Variants in SEMA6A observed in about 807,000 individuals in gnomAD.
SEMA6A encodes semaphorin-6A.
A neutral mutation model predicts 96.8 loss-of-function variants in SEMA6A; 25 were observed. That is an observed-to-expected ratio of 0.26 (90% CI 0.19 to 0.36). The LOEUF (loss-of-function observed/expected upper bound fraction) is 0.36. Ranked by LOEUF, SEMA6A falls within the 10% of genes least tolerant of loss-of-function variation. The pLI, the probability that SEMA6A is intolerant of heterozygous loss-of-function variation, is 1.00. For missense variants in SEMA6A, 1,363 were observed against 1,323.1 expected (o/e 1.03, Z -0.47); for synonymous variants, 612 against 518.0 (o/e 1.18, Z -2.46).
chr5:116,490,834 G>C (rs1757293834), intron 7 of SEMA6A, among the ~76,000 whole-genome samples: 1 of 152,154 alleles, frequency 6.6e-6, no homozygotes, highest in Admixed American at 6.5e-5. Flanking sequence ...CAAGCTATAA[G>C]AATCACTATT....
At chr5:116,496,455 CCGTAA>C (rs1191026713) in intron 4 of SEMA6A, 142 bp from the exon 5 acceptor site, 1 of 597,502 alleles carries the variant, frequency 1.7e-6, no homozygotes. Flanking sequence ...GATTAATTCA[CCGTAA>C]CAACAAAAGA....
intron 1 of SEMA6A, among the ~76,000 whole-genome samples, chr5:116,568,752 G>A (rs1426123647): frequency 6.6e-6 from 1 of 151,922 alleles, no homozygotes; most frequent in East Asian, 1.9e-4. Flanking sequence ...CACTACCACT[G>A]GAAAAACAAC....
chr5:116,526,916 C>T lies in SEMA6A; in HGVS notation c.-38-21934G>A, dbSNP rs192707030. ...TTCTATGAAATCCCTGACCTAGTTACATTGCTGAGGGCACAGCTTAAGTGC... is the reference window on the plus strand; with the variant it reads ...TTCTATGAAATCCCTGACCTAGTTATATTGCTGAGGGCACAGCTTAAGTGC... On this transcript the variant is annotated intron_variant, in intron 1 of 18. Coordinates refer to ENST00000343348, the MANE Select transcript of SEMA6A (RefSeq NM_020796.5). Among the ~76,000 whole-genome samples, 634 of 152,272 alleles carry T rather than the reference C, an allele frequency of 4.2e-3. 10 individuals are homozygous for T. Among genetic ancestry groups the T allele is most frequent in the Non-Finnish European group, 1.0e-3 (68 of 68,012 alleles).
chr5:116,536,866 TAAAAAAAAAAAAAAAA>T (rs72214884), intron 1 of SEMA6A, among the ~76,000 whole-genome samples: 67 of 69,522 alleles, frequency 9.6e-4, no homozygotes, highest in South Asian at 1.5e-3. Context: ...TGTGATTTCT[TAAAAAAAAAAAAAAAA>T]AAAAAAAAAA....
chr5:116,502,371 G>T, intron 2 of SEMA6A, 44 bp from the exon 3 acceptor site: 2 of 1,562,798 alleles, frequency 1.3e-6, no homozygotes, highest in Non-Finnish European at 1.8e-6. Context: ...AGCAAATCAA[G>T]CCAGGAATTG....
chr5:116,483,426 T>C (rs1756889378), intron 10 of SEMA6A, among the ~76,000 whole-genome samples: 1 of 152,130 alleles, frequency 6.6e-6, no homozygotes. Flanking sequence ...GGCTTTGAGA[T>C]AGTGGGTCAT....
chr5:116,514,464 G>A (rs1243022903), intron 1 of SEMA6A, among the ~76,000 whole-genome samples: 1 of 151,974 alleles, frequency 6.6e-6, no homozygotes, highest in Non-Finnish European at 1.5e-5. Context: ...TTTTTAATGG[G>A]GTTGTTTGTT....
intron 1 of SEMA6A, among the ~76,000 whole-genome samples, chr5:116,540,317 T>G (rs1296100177): frequency 6.6e-6 from 1 of 152,242 alleles, no homozygotes; most frequent in Admixed American, 6.5e-5. Context: ...CAAACCAAAC[T>G]AGGCTCTGCC....
chr5:116,525,974 A>C (rs1438959901), intron 1 of SEMA6A, among the ~76,000 whole-genome samples: 2 of 152,128 alleles, frequency 1.3e-5, no homozygotes, highest in African/African-American at 2.4e-5. Flanking sequence ...GAATCTTTTC[A>C]CCTAGCAGCC....
At chr5:116,496,585 AGT>A (rs1292786590) in intron 4 of SEMA6A, among the ~76,000 whole-genome samples, 5 of 152,196 alleles carry the variant, frequency 3.3e-5, no homozygotes, top group Non-Finnish European at 5.9e-5. Context: ...AATAAACAAG[AGT>A]GTGGAAATTT....
At chr5:116,465,975 T>C (rs942209326) in intron 18 of SEMA6A, among the ~76,000 whole-genome samples, 7 of 150,148 alleles carry the variant, frequency 4.7e-5, no homozygotes, top group Admixed American at 2.7e-4. Flanking sequence ...GTCCGGACAG[T>C]TTCTCTTCTA....
intron 1 of SEMA6A, among the ~76,000 whole-genome samples, chr5:116,519,176 T>A (rs956470099): frequency 2.6e-5 from 4 of 152,152 alleles, no homozygotes; most frequent in African/African-American, 9.6e-5. Flanking sequence ...TCTTGCAAGA[T>A]TCCCCAAGCT....
intron 1 of SEMA6A, among the ~76,000 whole-genome samples, chr5:116,530,734 CAATGAA>C (rs1367679860): frequency 6.6e-6 from 1 of 152,024 alleles, no homozygotes; most frequent in Non-Finnish European, 1.5e-5. Context: ...AAAAACAGGC[CAATGAA>C]AATGCAGAAG....
At chr5:116,565,617 T>A (rs1353471819) in intron 1 of SEMA6A, among the ~76,000 whole-genome samples, 1 of 152,244 alleles carries the variant, frequency 6.6e-6, no homozygotes, top group Non-Finnish European at 1.5e-5. Context: ...TATGCAGGAA[T>A]GAGAATGTTC....
chr5:116,487,062 C>T (rs564180604), intron 9 of SEMA6A, 96 bp from the exon 10 acceptor site: 19 of 790,210 alleles, frequency 2.4e-5, no homozygotes, highest in Non-Finnish European at 3.3e-5. Flanking sequence ...AACAAAACAA[C>T]AAGGTGCTTA....
At chr5:116,516,751 A>G (rs1287900443) in intron 1 of SEMA6A, among the ~76,000 whole-genome samples, 1 of 152,228 alleles carries the variant, frequency 6.6e-6, no homozygotes, top group African/African-American at 2.4e-5. Flanking sequence ...ATTAATAATT[A>G]TCCCCAAACA....
chr5:116,474,340 C>T (rs1043753801), intron 16 of SEMA6A, among the ~76,000 whole-genome samples: 7 of 150,640 alleles, frequency 4.6e-5, no homozygotes, highest in Admixed American at 4.0e-4. Flanking sequence ...GCAAATAAAG[C>T]TATAATGCAC....
chr5:116,500,290 C>G lies in SEMA6A; in HGVS notation c.218+1920G>C, dbSNP rs950998674. On this transcript the variant is annotated intron_variant, in intron 3 of 18. Transcript: ENST00000343348. ...AGTACAGGGAATGACAGCATGGACT[C>G]TAGAGCGAGACCATCCTGGTTCAAA... Among the ~76,000 whole-genome samples, 4 of 152,288 alleles carry G rather than the reference C, an allele frequency of 2.6e-5. No individual in the cohort carries two copies. In the East Asian group the frequency reaches 5.8e-4, roughly 22 times the overall value.
chr5:116,464,825 G>C (rs1416076343), intron 18 of SEMA6A, among the ~76,000 whole-genome samples: 1 of 152,176 alleles, frequency 6.6e-6, no homozygotes, highest in Non-Finnish European at 1.5e-5. Flanking sequence ...CAAAGAATGG[G>C]ACCAGCTCAC....
Sources: gnomAD v4.1 joint callset for allele counts (sites outside exome capture counted in the v4.1 genomes callset) on GRCh38, gnomAD v4.1.1 for gene constraint, MANE v1.5 for transcripts, NCBI Gene and HGNC (gene_info 2026-07-23, HGNC 2026-07-21) for gene names.